The following HEATR5A variants were observed in gnomAD, a reference collection of about 807,000 sequenced individuals.
HEATR5A encodes HEAT repeat containing 5A, also known as HEAT repeat-containing protein 5A.
HEATR5A carries 178 observed loss-of-function variants against 218.8 expected under a neutral mutation model. The observed-to-expected ratio is 0.81, with a 90% CI of 0.72 to 0.92. HEATR5A has a LOEUF of 0.92. HEATR5A is among the 40% of genes least tolerant of loss of function. The probability of loss-of-function intolerance (pLI) is 0.00; values close to 1 mark genes in which losing one functional copy is unlikely to be tolerated. For synonymous variants in HEATR5A, 864 were observed against 871.6 expected (o/e 0.99, Z 0.15); for missense variants, 2,420 against 2,418.9 (o/e 1.00, Z -0.01).
At chr14:31,335,316 C>G (rs1566758725) in intron 22 of HEATR5A, among the ~76,000 whole-genome samples, 1 of 151,982 alleles carries the variant, frequency 6.6e-6, no homozygotes, top group Non-Finnish European at 1.5e-5. Context: ...AGCAGCCCAG[C>G]CATGCTGATT....
chr14:31,309,134 T>G lies in HEATR5A; in HGVS notation c.4490A>C (p.Tyr1497Ser). The change falls in exon 29 of 36, where the codon TAT (tyrosine) becomes TCT (serine). Residue 1497 changes from tyrosine (Y) to serine (S), a missense_variant. Tyr to Ser is a moderately radical substitution (Grantham distance 144). Coordinates refer to ENST00000543095, the MANE Select transcript of HEATR5A (RefSeq NM_015473.4). Reference protein sequence around the residue: ...AETSENAKLHYYNSWALILHA... With the variant: ...AETSENAKLHSYNSWALILHA... Reference sequence around the variant, plus strand: ...GAGGATAAGTGCCCAGGAGTTGTAATAATGCAATTTTGCATTTTCACTAGT... The same window carrying G: ...GAGGATAAGTGCCCAGGAGTTGTAAGAATGCAATTTTGCATTTTCACTAGT... The G allele has an allele frequency of 6.2e-7, 1 of 1,613,912 alleles. No homozygotes were observed. Among genetic ancestry groups the G allele is most frequent in the Non-Finnish European group, 8.5e-7 (1 of 1,179,782 alleles).
intron 1 of HEATR5A, among the ~76,000 whole-genome samples, chr14:31,415,894 T>C (rs1174255607): frequency 6.6e-6 from 1 of 152,066 alleles, no homozygotes; most frequent in East Asian, 1.9e-4. Flanking sequence ...AAAAAATACA[T>C]TACACACATA....
At chr14:31,404,887 C>T (rs1290914992) in intron 1 of HEATR5A, among the ~76,000 whole-genome samples, 1 of 150,848 alleles carries the variant, frequency 6.6e-6, no homozygotes, top group Non-Finnish European at 1.5e-5. Context: ...GCATTCCAGC[C>T]TGGTGAAGAG....
intron 21 of HEATR5A, among the ~76,000 whole-genome samples, chr14:31,342,101 A>T (rs1900859335): frequency 6.6e-6 from 1 of 152,076 alleles, no homozygotes; most frequent in African/African-American, 2.4e-5. Context: ...TTAAAGTTTT[A>T]TTGGGCTAGG....
chr14:31,391,925 T>C (rs907240579), intron 6 of HEATR5A, among the ~76,000 whole-genome samples: 1 of 152,226 alleles, frequency 6.6e-6, no homozygotes, highest in Non-Finnish European at 1.5e-5. Flanking sequence ...GTTCACTCTA[T>C]GATGTTCCCA....
At chr14:31,323,931 A>G in intron 23 of HEATR5A, 127 bp from the exon 24 acceptor site, 1 of 614,168 alleles carries the variant, frequency 1.6e-6, no homozygotes, top group Non-Finnish European at 2.8e-6. Flanking sequence ...CTACTGATCA[A>G]TCATCTTTTT....
rs201963843 is a variant in HEATR5A, at chr14:31,406,277, CAT to C, written c.-74-3230_-74-3229del. Among the ~76,000 whole-genome samples, 1,346 of 152,260 alleles carry C rather than the reference CAT, an allele frequency of 8.8e-3. 13 individuals are homozygous for C. The highest frequency in any genetic ancestry group is 0.031 in the African/African-American group (1,273 of 41,540). On this transcript the variant is annotated intron_variant, in intron 1 of 35. Transcript: ENST00000543095. The stretch of plus-strand genomic sequence containing the variant: ...TAAGGTGATTTCCTACAAGTAAACA[CAT>C]ATGTCAATATATTTAAATATATTTT...
intron 28 of HEATR5A, among the ~76,000 whole-genome samples, chr14:31,310,120 A>G (rs1899690974): frequency 1.3e-5 from 2 of 152,176 alleles, no homozygotes; most frequent in African/African-American, 4.8e-5. Context: ...TACTTTCACA[A>G]TAATGTATGT....
chr14:31,311,366 G>A (rs557390604), intron 28 of HEATR5A, among the ~76,000 whole-genome samples: 33 of 151,890 alleles, frequency 2.2e-4, no homozygotes, highest in South Asian at 6.2e-4. Context: ...AAATGTATGC[G>A]GTAACATACA....
At chr14:31,352,151 A>C (rs1485747668) in intron 16 of HEATR5A, among the ~76,000 whole-genome samples, 2 of 152,314 alleles carry the variant, frequency 1.3e-5, no homozygotes, top group East Asian at 1.9e-4. Context: ...TTTCTCTTTA[A>C]AACATTGTTT....
chr14:31,340,995 C>A (rs544127758), intron 21 of HEATR5A, among the ~76,000 whole-genome samples: 3 of 152,228 alleles, frequency 2.0e-5, no homozygotes, highest in African/African-American at 7.2e-5. Flanking sequence ...AAGGAAAATA[C>A]TTCCCAGTAG....
chr14:31,345,223 AT>A lies in HEATR5A; in HGVS notation c.2921del (p.Tyr974PhefsTer13), dbSNP rs764346364. 1.3e-3 allele frequency: 2,104 copies of A among 1,613,448 alleles called. 6 individuals are homozygous for A. Among genetic ancestry groups the A allele is most frequent in the Non-Finnish European group, 1.6e-3 (1,856 of 1,179,568 alleles). On this transcript the variant is annotated frameshift_variant, in exon 20 of 36. Transcript: ENST00000543095. LOFTEE classifies it high-confidence loss of function. The stretch of plus-strand genomic sequence containing the variant: ...AAAGGGTAGGTTCCACATGCACATA[AT>A]AGAGTGGGCCAGCAGAATCAATGAT... ...SLIIDSAGPL[Y>X]YVHVEPTLSL... is the part of the protein sequence containing the mutation.
chr14:31,339,598 T>G (rs1900779656), intron 21 of HEATR5A, among the ~76,000 whole-genome samples: 1 of 152,094 alleles, frequency 6.6e-6, no homozygotes, highest in South Asian at 2.1e-4. Flanking sequence ...TGTTGTTGTT[T>G]TTTGAGATAG....
intron 14 of HEATR5A, among the ~76,000 whole-genome samples, chr14:31,363,464 G>A (rs970210848): frequency 1.3e-5 from 2 of 151,808 alleles, no homozygotes; most frequent in African/African-American, 2.4e-5. Context: ...CTCTAAATAG[G>A]TTACTTAGAA....
chr14:31,397,474 A>G (rs1305717282), intron 4 of HEATR5A, among the ~76,000 whole-genome samples: 1 of 151,946 alleles, frequency 6.6e-6, no homozygotes, highest in African/African-American at 2.4e-5. Flanking sequence ...CCTGGTGAAC[A>G]TGGTGAAACC....
rs962398425 is a variant in HEATR5A, at chr14:31,416,964, A to G, written c.-75+3508T>C. Among the ~76,000 whole-genome samples, 3 of 152,112 alleles carry G rather than the reference A, an allele frequency of 2.0e-5. No individual in the cohort carries two copies. In the East Asian group the frequency reaches 5.8e-4, roughly 29 times the overall value. Reference sequence around the variant, plus strand: ...AAAAAATACAAAATATTAGCTGGGCATGGTGGCATGTGCCTGTTGTCCCTG... The same window carrying G: ...AAAAAATACAAAATATTAGCTGGGCGTGGTGGCATGTGCCTGTTGTCCCTG... On this transcript the variant is annotated intron_variant, in intron 1 of 35. Coordinates refer to ENST00000543095, the MANE Select transcript of HEATR5A (RefSeq NM_015473.4).
intron 21 of HEATR5A, among the ~76,000 whole-genome samples, chr14:31,341,454 C>T (rs895957721): frequency 1.3e-5 from 2 of 151,898 alleles, no homozygotes; most frequent in Admixed American, 6.6e-5. Flanking sequence ...AGTGCAGTGG[C>T]GCAATCATGG....
At chr14:31,385,976 C>T (rs1170507422) in intron 9 of HEATR5A, among the ~76,000 whole-genome samples, 2 of 152,174 alleles carry the variant, frequency 1.3e-5, no homozygotes, top group African/African-American at 4.8e-5. Flanking sequence ...GATATGCCTG[C>T]CTCAGCCTCC....
chr14:31,300,249 T>G (rs898099288), intron 33 of HEATR5A, among the ~76,000 whole-genome samples: 1 of 152,126 alleles, frequency 6.6e-6, no homozygotes, highest in African/African-American at 2.4e-5. Flanking sequence ...TCTCCAAGTT[T>G]TTGGTCAAAC....
Sources: gnomAD v4.1 joint callset for allele counts (sites outside exome capture counted in the v4.1 genomes callset) on GRCh38, gnomAD v4.1.1 for gene constraint, MANE v1.5 for transcripts, NCBI Gene and HGNC (gene_info 2026-07-23, HGNC 2026-07-21) for gene names.